The following FLT1 variants were observed in gnomAD, a reference collection of about 807,000 sequenced individuals.
FLT1 encodes the protein vascular endothelial growth factor receptor 1.
A neutral mutation model predicts 156.3 loss-of-function variants in FLT1; 49 were observed. The ratio of observed to expected loss-of-function variants is 0.31; its 90% CI spans 0.25 to 0.40. FLT1 has a LOEUF of 0.40. Ranked by LOEUF, FLT1 falls within the 10% of genes least tolerant of loss-of-function variation. FLT1 has a pLI of 1.00. For missense variants in FLT1, 1,322 were observed against 1,637.2 expected, an observed-to-expected ratio of 0.81 and a Z score of 3.32; for synonymous variants, 594 against 583.8, an observed-to-expected ratio of 1.02 and a Z score of -0.25.
chr13:28,329,550 G>T, intron 19 of FLT1, 65 bp downstream of exon 19: 2 of 1,166,742 alleles, frequency 1.7e-6, no homozygotes, highest in Non-Finnish European at 2.6e-6. Flanking sequence ...GGAGCTGTAA[G>T]GCAGAGAACT....
intron 8 of FLT1, 48 bp downstream of exon 8, chr13:28,430,002 A>G: frequency 8.0e-7 from 1 of 1,247,190 alleles, no homozygotes; most frequent in South Asian, 1.2e-5. Context: ...GCAGCTTCCC[A>G]CTTACAAAGT....
At chr13:28,316,726 C>T (rs766934570) in intron 25 of FLT1, among the ~76,000 whole-genome samples, 14 of 151,456 alleles carry the variant, frequency 9.2e-5, no homozygotes, top group Non-Finnish European at 1.3e-4. Context: ...GCAATCTCCG[C>T]TTCATAGGCT....
Position 28,471,580 on chromosome 13 carries a change from C to T in FLT1, c.65-3963G>A, listed in dbSNP as rs144457905. Among the ~76,000 whole-genome samples, 429 of 152,256 alleles carry T rather than the reference C, an allele frequency of 2.8e-3. 1 individual carries two copies. The highest frequency in any genetic ancestry group is 9.9e-3 in the African/African-American group (410 of 41,544). ...GTATGTACGTACCCATAAACACATG[C>T]ATAGTCATAGCATGGGGAAGTCAGC... On this transcript the variant is annotated intron_variant, in intron 1 of 29. Transcript: ENST00000282397.
At chr13:28,486,084 A>G (rs1463452643) in intron 1 of FLT1, among the ~76,000 whole-genome samples, 1 of 152,236 alleles carries the variant, frequency 6.6e-6, no homozygotes, top group African/African-American at 2.4e-5. Flanking sequence ...TTGTAGAAAC[A>G]GTGACTGTGT....
chr13:28,378,840 G>A (rs1347052307), intron 14 of FLT1, among the ~76,000 whole-genome samples: 1 of 152,096 alleles, frequency 6.6e-6, no homozygotes, highest in Non-Finnish European at 1.5e-5. Flanking sequence ...CACTTAACAC[G>A]GTGCCTTGGT....
At chr13:28,485,001 C>T (rs545753927) in intron 1 of FLT1, among the ~76,000 whole-genome samples, 3 of 151,888 alleles carry the variant, frequency 2.0e-5, no homozygotes, top group South Asian at 4.2e-4. Context: ...TTACTGGGTG[C>T]AGCACACCAA....
chr13:28,464,934 G>C (rs1455707909), intron 3 of FLT1, among the ~76,000 whole-genome samples: 1 of 152,172 alleles, frequency 6.6e-6, no homozygotes, highest in Non-Finnish European at 1.5e-5. Flanking sequence ...GAAAATATTA[G>C]AATGAATAAA....
At chr13:28,316,635 GTTC>G (rs1167336557) in intron 25 of FLT1, among the ~76,000 whole-genome samples, 6 of 149,220 alleles carry the variant, frequency 4.0e-5, no homozygotes, top group Non-Finnish European at 3.0e-5. Flanking sequence ...TTCCTAAAAG[GTTC>G]TTTTTTTTTT....
At chr13:28,448,689 T>C (rs1878752309) in intron 3 of FLT1, among the ~76,000 whole-genome samples, 1 of 152,246 alleles carries the variant, frequency 6.6e-6, no homozygotes, top group South Asian at 2.1e-4. Flanking sequence ...GATGGTTGCA[T>C]ATATCTGTCA....
At chr13:28,419,878 CAAAACAA>C (rs1226028061) in intron 10 of FLT1, among the ~76,000 whole-genome samples, 2 of 152,068 alleles carry the variant, frequency 1.3e-5, no homozygotes, top group African/African-American at 4.8e-5. Flanking sequence ...GACTCCGTCT[CAAAACAA>C]AAAACAAAAA....
chr13:28,368,033 G>T, intron 14 of FLT1: 1 of 350,474 alleles, frequency 2.9e-6, no homozygotes, highest in Non-Finnish European at 4.0e-6. Context: ...TGAGGATTAT[G>T]TGTTGCTTAT....
intron 25 of FLT1, 55 bp downstream of exon 25, chr13:28,317,443 T>C: frequency 9.4e-7 from 1 of 1,067,106 alleles, no homozygotes; most frequent in East Asian, 2.4e-5. Context: ...CTCTCAGGAA[T>C]GCCCTGGTGA....
chr13:28,473,628 G>A (rs1880301194), intron 1 of FLT1, among the ~76,000 whole-genome samples: 1 of 148,274 alleles, frequency 6.7e-6, no homozygotes, highest in African/African-American at 2.5e-5. Flanking sequence ...CTGGGTGACA[G>A]AGCAAGACTA....
intron 11 of FLT1, chr13:28,399,021 T>C (rs1875253641): frequency 2.7e-6 from 4 of 1,508,976 alleles, no homozygotes; most frequent in Admixed American, 3.9e-5. Context: ...TTCCTTGTAA[T>C]TGTTGTACCC....
At chr13:28,383,342 T>A (rs570909188) in intron 14 of FLT1, among the ~76,000 whole-genome samples, 1 of 152,148 alleles carries the variant, frequency 6.6e-6, no homozygotes, top group East Asian at 1.9e-4. Context: ...TCACATGAAA[T>A]GATGTGTAGG....
chr13:28,304,730 A>G (rs1188571293), intron 29 of FLT1, among the ~76,000 whole-genome samples: 1 of 152,140 alleles, frequency 6.6e-6, no homozygotes. Context: ...CTACTGGTCT[A>G]CTTTCTGTCT....
chr13:28,455,908 A>G (rs1879234923), intron 3 of FLT1, among the ~76,000 whole-genome samples: 1 of 152,238 alleles, frequency 6.6e-6, no homozygotes, highest in Admixed American at 6.5e-5. Flanking sequence ...GCAAACTAAA[A>G]TAACAATGAG....
chr13:28,385,092 C>A, intron 13 of FLT1, 61 bp from the exon 14 acceptor site: 1 of 1,520,318 alleles, frequency 6.6e-7, no homozygotes, highest in Admixed American at 1.7e-5. Flanking sequence ...ATTGTCTATG[C>A]ATATCAACAT....
chr13:28,341,421 CACCCACACACA>C (rs1347990100), intron 16 of FLT1, among the ~76,000 whole-genome samples: 1 of 152,180 alleles, frequency 6.6e-6, no homozygotes, highest in Non-Finnish European at 1.5e-5. Flanking sequence ...AACTTCTGCT[CACCCACACACA>C]TAACTGTGGA....
Sources: allele counts gnomAD v4.1 joint callset (sites outside exome capture counted in the v4.1 genomes callset), GRCh38; gene constraint gnomAD v4.1.1; transcripts MANE v1.5; gene names NCBI Gene and HGNC (gene_info 2026-07-23, HGNC 2026-07-21).